TENM4: variants seen among roughly 807,000 people sequenced by gnomAD.
TENM4 encodes the protein teneurin-4.
Under a neutral mutation model 243.3 loss-of-function variants are expected in TENM4, and 82 were observed. That is an observed-to-expected ratio of 0.34 (90% CI 0.28 to 0.40). The LOEUF (loss-of-function observed/expected upper bound fraction) is 0.40. Ranked by LOEUF, TENM4 falls within the 10% of genes least tolerant of loss-of-function variation. The pLI is 1.00. For missense variants in TENM4, 3,138 were observed against 3,673.3 expected (o/e 0.85, Z 3.77); for synonymous variants, 1,412 against 1,456.3 (o/e 0.97, Z 0.69).
chr11:78,741,868 G>A (rs754557692), intron 19 of TENM4, among the ~76,000 whole-genome samples: 1 of 152,158 alleles, frequency 6.6e-6, no homozygotes, highest in African/African-American at 2.4e-5. Flanking sequence ...CACTGTCACC[G>A]ACTTGGCTTC....
At position 78,738,611 on chromosome 11, in the gene TENM4, A is replaced by G. The variant is rs1272256043; in HGVS notation, c.2757-41T>C. The stretch of plus-strand genomic sequence containing the variant: ...AGAGAATAAACATGATACACCTTTC[A>G]TGGTCAGAGCCCTGGCTGGCAGGGA... On this transcript the variant is annotated intron_variant, in intron 19 of 33. Transcript: ENST00000278550. The G allele has an allele frequency of 1.0e-5, 16 of 1,596,506 alleles. No homozygotes were observed. The East Asian group carries it at 3.6e-4, about 36-fold the overall frequency.
At chr11:79,267,477 A>G (rs1469543496) in intron 2 of TENM4, among the ~76,000 whole-genome samples, 2 of 152,202 alleles carry the variant, frequency 1.3e-5, no homozygotes, top group Admixed American at 1.3e-4. Context: ...AACTATATAG[A>G]ATAATGGAGT....
chr11:78,911,352 C>G (rs749812652), intron 6 of TENM4, among the ~76,000 whole-genome samples: 13 of 152,184 alleles, frequency 8.5e-5, no homozygotes, highest in Non-Finnish European at 1.8e-4. Flanking sequence ...CCAGCCCCAT[C>G]CTTAGTTCCA....
rs746554190 is a variant in TENM4 at position 78,676,206 on chromosome 11, G to C, written c.5442C>G (p.Arg1814=). 9 of 1,579,990 alleles carry C rather than the reference G, an allele frequency of 5.7e-6. No homozygotes were observed. The highest frequency in any genetic ancestry group is 6.0e-6 in the Non-Finnish European group (7 of 1,160,356). ...IDNGLNLVEW[R]QRKEQARGQV... ...GGCCCCGAGCCTGCTCTTTGCGCTG[G>C]CGCCACTCCACCAGGTTGAGGCCGT... The change falls in exon 30 of 34, where the codon CGC becomes CGG. Residue 1814 remains arginine (R), a synonymous_variant. Coordinates refer to ENST00000278550, the MANE Select transcript of TENM4 (RefSeq NM_001098816.3).
At chr11:79,323,615 G>T (rs1307490680) in intron 1 of TENM4, among the ~76,000 whole-genome samples, 1 of 152,206 alleles carries the variant, frequency 6.6e-6, no homozygotes. Context: ...TGCTGTGAAG[G>T]TATTTGTGGA....
intron 9 of TENM4, among the ~76,000 whole-genome samples, chr11:78,882,784 T>C (rs978664320): frequency 2.0e-5 from 3 of 152,260 alleles, no homozygotes; most frequent in Non-Finnish European, 4.4e-5. Context: ...AATAGCTGCC[T>C]TTTGAAGAGC....
At chr11:78,688,367 C>G in intron 28 of TENM4, 141 bp from the exon 29 acceptor site, 1 of 912,170 alleles carries the variant, frequency 1.1e-6, no homozygotes, top group Admixed American at 2.5e-5. Flanking sequence ...TCCCACATAT[C>G]TTGCACAGGA....
At chr11:79,190,797 CTCTCCCTCTCCCG>C (rs1224689651) in intron 3 of TENM4, among the ~76,000 whole-genome samples, 4 of 135,838 alleles carry the variant, frequency 2.9e-5, no homozygotes, top group Admixed American at 1.4e-4. Context: ...CTCCCTCTCC[CTCTCCCTCTCCCG>C]TCTCCCTCTC....
chr11:78,977,258 A>G (rs2136606173), intron 6 of TENM4, among the ~76,000 whole-genome samples: 1 of 152,326 alleles, frequency 6.6e-6, no homozygotes, highest in East Asian at 1.9e-4. Flanking sequence ...CTCCTCTACT[A>G]TGACCTCATC....
At chr11:79,016,027 CTG>C (rs1858765646) in intron 6 of TENM4, among the ~76,000 whole-genome samples, 2 of 152,064 alleles carry the variant, frequency 1.3e-5, no homozygotes, top group Admixed American at 1.3e-4. Flanking sequence ...GACCAAGGTA[CTG>C]AGAGTGTGGC....
intron 1 of TENM4, among the ~76,000 whole-genome samples, chr11:79,414,394 G>T (rs1858769448): frequency 6.6e-6 from 1 of 152,172 alleles, no homozygotes; most frequent in Non-Finnish European, 1.5e-5. Context: ...TGTGACAAGG[G>T]ACTGTAATCA....
chr11:78,912,722 A>G (rs1856218906), intron 6 of TENM4, among the ~76,000 whole-genome samples: 1 of 152,204 alleles, frequency 6.6e-6, no homozygotes, highest in Non-Finnish European at 1.5e-5. Flanking sequence ...GGAAGAACAG[A>G]GTTTTGGCAA....
rs777764585 is a variant in TENM4 at position 78,903,478 on chromosome 11, G to T, written c.539C>A (p.Pro180Gln). The change falls in exon 7 of 34, where the codon CCG (proline) becomes CAG (glutamine). Residue 180 changes from proline to glutamine, a missense_variant. By Grantham distance (76) the Pro-to-Gln change is moderately conservative. Coordinates refer to ENST00000278550, the MANE Select transcript of TENM4 (RefSeq NM_001098816.3). ...GGTGTGGGCGTGCGAGAGCGGCGGCGGCGGCGTCCGGAGCCGCGCGTGGTT... is the reference window on the plus strand; with the variant it reads ...GGTGTGGGCGTGCGAGAGCGGCGGCTGCGGCGTCCGGAGCCGCGCGTGGTT... ...LQNHARLRTP[P>Q]PPLSHAHTPN... 4.5e-6 allele frequency: 7 copies of T among 1,547,696 alleles called. No individual in the cohort carries two copies. Among genetic ancestry groups the T allele is most frequent in the Non-Finnish European group, 6.1e-6 (7 of 1,145,964 alleles).
chr11:79,151,393 T>G (rs1029476566), intron 3 of TENM4, among the ~76,000 whole-genome samples: 1 of 152,188 alleles, frequency 6.6e-6, no homozygotes, highest in Non-Finnish European at 1.5e-5. Flanking sequence ...TCTAGAAGTC[T>G]AAACACAAGA....
intron 4 of TENM4, among the ~76,000 whole-genome samples, chr11:79,130,186 G>A (rs141072093): frequency 9.9e-5 from 15 of 152,192 alleles, no homozygotes; most frequent in Admixed American, 5.9e-4. Flanking sequence ...AGGAAAAGGG[G>A]GAGAGTACTA....
intron 2 of TENM4, among the ~76,000 whole-genome samples, chr11:79,230,426 G>C (rs557702304): frequency 2.0e-5 from 3 of 147,474 alleles, no homozygotes; most frequent in Admixed American, 6.6e-5. Context: ...GGGTGGTCAG[G>C]GCCATCTCCA....
At chr11:79,181,449 A>G (rs1023433898) in intron 3 of TENM4, among the ~76,000 whole-genome samples, 2 of 152,218 alleles carry the variant, frequency 1.3e-5, no homozygotes, top group African/African-American at 4.8e-5. Flanking sequence ...CCTCAACTTC[A>G]TAAACAGCAT....
chr11:79,317,447 C>T (rs151330988), intron 1 of TENM4, among the ~76,000 whole-genome samples: 28 of 152,216 alleles, frequency 1.8e-4, no homozygotes, highest in East Asian at 1.7e-3. Flanking sequence ...TTAAGTTCCT[C>T]GGAACCCTAA....
chr11:79,344,198 G>T (rs1857288807), intron 1 of TENM4, among the ~76,000 whole-genome samples: 1 of 152,168 alleles, frequency 6.6e-6, no homozygotes, highest in African/African-American at 2.4e-5. Context: ...CACTCATACT[G>T]CCCGAGTCTC....
Sources: allele counts gnomAD v4.1 joint callset (sites outside exome capture counted in the v4.1 genomes callset), GRCh38; gene constraint gnomAD v4.1.1; transcripts MANE v1.5; gene names NCBI Gene and HGNC (gene_info 2026-07-23, HGNC 2026-07-21).